Variants in ZNF320 observed in about 807,000 individuals in gnomAD.
ZNF320 encodes zinc finger gene 320.
Under a neutral mutation model 6.8 loss-of-function variants are expected in ZNF320, and 2 were observed. The observed-to-expected ratio is 0.29, with a 90% CI of 0.12 to 0.93. ZNF320 has a LOEUF of 0.93. Ranked by LOEUF, ZNF320 falls within the 40% of genes least tolerant of loss-of-function variation. The pLI, the probability that ZNF320 is intolerant of heterozygous loss-of-function variation, is 0.55. For synonymous variants in ZNF320, 208 were observed against 203.2 expected (o/e 1.02, Z -0.20); for missense variants, 472 against 611.0 (o/e 0.77, Z 2.40).
intron 4 of ZNF320, among the ~76,000 whole-genome samples, chr19:52,889,203 G>A (rs2064206552): frequency 1.3e-5 from 2 of 150,978 alleles, no homozygotes; most frequent in African/African-American, 4.9e-5. Context: ...GAAAAAAAAA[G>A]TAGCAAGTTT....
At chr19:52,868,299 G>C (rs1296995306) in intron 5 of ZNF320, among the ~76,000 whole-genome samples, 1 of 152,054 alleles carries the variant, frequency 6.6e-6, no homozygotes, top group African/African-American at 2.4e-5. Context: ...CTGAGGTCGG[G>C]AGTTCGAGAG....
chr19:52,863,201 TG>T (rs1267527407), exon 6 of ZNF320, among the ~76,000 whole-genome samples: 5 of 152,008 alleles, frequency 3.3e-5, no homozygotes, highest in Admixed American at 1.3e-4. Flanking sequence ...TGCAAAAAAA[TG>T]AATATATAAT....
intron 5 of ZNF320, among the ~76,000 whole-genome samples, chr19:52,869,185 T>C (rs1337972453): frequency 2.6e-5 from 4 of 152,204 alleles, no homozygotes; most frequent in African/African-American, 7.2e-5. Context: ...AATGGTAAAA[T>C]ATTGACCCAA....
In ZNF320 at chr19:52,866,150, G is replaced by GTATGATTATACATATATTTATATA. The variant is rs1568694241; in HGVS notation, c.224-2015_224-1992dup. Among the ~76,000 whole-genome samples, 24 of 15,936 alleles carry GTATGATTATACATATATTTATATA rather than the reference G, an allele frequency of 1.5e-3. 4 individuals carry two copies. Among genetic ancestry groups the GTATGATTATACATATATTTATATA allele is most frequent in the African/African-American group, 3.5e-3 (11 of 3,126 alleles). 10.5% of individuals were successfully genotyped at this position (15,936 alleles called of 152,430 possible). ...TATGATTATACATATATTTATATATGTATGATTATACATATATTTATATAT... is the reference window on the plus strand; with the variant it reads ...TATGATTATACATATATTTATATATGTATGATTATACATATATTTATATATATGATTATACATATATTTATATAT... On this transcript the variant is annotated intron_variant, in intron 5 of 5. Coordinates refer to the ZNF320 transcript ENST00000673631.
chr19:52,890,369 A>C, intron 3 of ZNF320, 41 bp from the exon 4 acceptor site: 1 of 1,413,504 alleles, frequency 7.1e-7, no homozygotes, highest in Non-Finnish European at 9.7e-7. Context: ...GAGAATCAAC[A>C]CACCCCCTCC....
chr19:52,882,076 A>G, intron 5 of ZNF320, 93 bp from the exon 6 acceptor site: 1 of 1,279,196 alleles, frequency 7.8e-7, no homozygotes, highest in South Asian at 1.7e-5. Context: ...AAAAATACTT[A>G]TTTTAAACTT....
At chr19:52,865,701 A>G (rs1280115910) in intron 5 of ZNF320, among the ~76,000 whole-genome samples, 30 of 129,648 alleles carry the variant, frequency 2.3e-4, no homozygotes, top group African/African-American at 8.6e-4. Context: ...TTATACATAT[A>G]TTTATATATG....
At chr19:52,900,411 C>T (rs1005386675), upstream of ZNF320, among the ~76,000 whole-genome samples, 1 of 152,044 alleles carries the variant, frequency 6.6e-6, no homozygotes, top group Admixed American at 6.6e-5. Context: ...TTCTTTTGGG[C>T]TGGGAATTCA....
rs553883517 is a variant in ZNF320 at position 52,868,163 on chromosome 19, A to G, written c.224-4004T>C. Reference sequence around the variant, plus strand: ...ACACAAAGGCAGTTTACAGCCTGTCATATAAAAGCTGCAATGTGTGAAGCC... The same window carrying G: ...ACACAAAGGCAGTTTACAGCCTGTCGTATAAAAGCTGCAATGTGTGAAGCC... On this transcript the variant is annotated intron_variant, in intron 5 of 5. Coordinates refer to the ZNF320 transcript ENST00000673631. Among the ~76,000 whole-genome samples the G allele has an allele frequency of 5.3e-3, 805 of 152,286 alleles. 9 individuals are homozygous for G. Among genetic ancestry groups the G allele is most frequent in the African/African-American group, 0.017 (687 of 41,566 alleles).
At chr19:52,868,353 A>C (rs1354639509) in intron 5 of ZNF320, among the ~76,000 whole-genome samples, 1 of 152,026 alleles carries the variant, frequency 6.6e-6, no homozygotes, top group Non-Finnish European at 1.5e-5. Context: ...CTTCAAATAC[A>C]AAATTAGCTG....
intron 5 of ZNF320, among the ~76,000 whole-genome samples, chr19:52,866,043 CATAT>C (rs569198239): frequency 1.6e-5 from 2 of 126,542 alleles, no homozygotes; most frequent in Non-Finnish European, 3.2e-5. Flanking sequence ...TATGATTATA[CATAT>C]ATATGATTAT....
At chr19:52,891,003 G>A (rs912347647) in intron 3 of ZNF320, among the ~76,000 whole-genome samples, 2 of 152,010 alleles carry the variant, frequency 1.3e-5, no homozygotes, top group African/African-American at 4.8e-5. Context: ...AATACAAAAA[G>A]TAGCTGGGCT....
At chr19:52,872,871 G>A (rs1047986171), downstream of ZNF320, among the ~76,000 whole-genome samples, 2 of 152,146 alleles carry the variant, frequency 1.3e-5, no homozygotes, top group Non-Finnish European at 2.9e-5. Context: ...ATAGGGTGAT[G>A]GTGAGGAGAG....
chr19:52,862,484 C>T, exon 6 of ZNF320: 1 of 354,468 alleles, frequency 2.8e-6, no homozygotes. Context: ...GTAAAATTGG[C>T]CACATTTATC....
exon 6 of ZNF320, chr19:52,864,051 T>C (rs1346492672): frequency 2.0e-6 from 1 of 504,310 alleles, no homozygotes; most frequent in South Asian, 1.5e-5. Context: ...TCCAGGTTCC[T>C]GTAGTTCTCC....
chr19:52,867,166 T>TTTAA (rs140702799), intron 5 of ZNF320, among the ~76,000 whole-genome samples: 14 of 151,872 alleles, frequency 9.2e-5, no homozygotes, highest in African/African-American at 3.4e-4. Flanking sequence ...CATGTTTGGA[T>TTTAA]TTAATTAATT....
chr19:52,888,175 G>A lies in ZNF320; in HGVS notation c.94C>T (p.Leu32=). ...WKCLDPAQRT[L]YRDVMLENYR... ...TTCTCCAGCATCACGTCTCTGTATA[G>A]AGTCCTCTGAGCAGGGTCCAGGCAT... Residue 32 remains leucine, a synonymous_variant, in exon 5 of 6, where the codon CTA becomes TTA. Transcript: ENST00000682928. 13 of 1,571,142 alleles carry A rather than the reference G, an allele frequency of 8.3e-6. No homozygotes were observed. The highest frequency in any genetic ancestry group is 1.1e-5 in the Non-Finnish European group (13 of 1,165,542).
rs1217836836 is a variant in ZNF320 at position 52,881,307 on chromosome 19, G to A, written c.819C>T (p.Tyr273=). 5 of 1,614,078 alleles carry A rather than the reference G, an allele frequency of 3.1e-6. No homozygotes were observed. The South Asian group carries it at 4.4e-5, about 14-fold the overall frequency. The part of the protein sequence containing the change: ...HHRLHTGEKP[Y]KCNECGKTFA... ...AGGTCTTGCCACACTCATTACATTT[G>A]TAAGGTTTCTCTCCAGTATGCAGTC... Residue 273 remains tyrosine (Y), a synonymous_variant, in exon 6 of 6, where the codon TAC becomes TAT. Coordinates refer to ENST00000682928, the MANE Select transcript of ZNF320 (RefSeq NM_001351774.2).
At chr19:52,875,379 G>A (rs1178847237), downstream of ZNF320, among the ~76,000 whole-genome samples, 3 of 152,168 alleles carry the variant, frequency 2.0e-5, no homozygotes, top group Non-Finnish European at 4.4e-5. Context: ...TGGGTAGGTG[G>A]GTTAAAGCTG....
Sources: gnomAD v4.1 joint callset for allele counts (sites outside exome capture counted in the v4.1 genomes callset) on GRCh38, gnomAD v4.1.1 for gene constraint, MANE v1.5 for transcripts, NCBI Gene and HGNC (gene_info 2026-07-23, HGNC 2026-07-21) for gene names.